RABGAP1: variants seen among roughly 807,000 people sequenced by gnomAD.
RABGAP1 encodes RAB GTPase activating protein 1, also known as rab GTPase-activating protein 1.
In RABGAP1, 23 loss-of-function variants were observed where a neutral mutation model predicts 137.6. That is an observed-to-expected ratio of 0.17 (90% CI 0.12 to 0.24). The LOEUF (loss-of-function observed/expected upper bound fraction) is 0.24, where lower values mean the gene tolerates loss of function less well. Among genes scored for constraint, RABGAP1 ranks in the 10% least tolerant of loss-of-function variants. The probability of loss-of-function intolerance (pLI) is 1.00; values close to 1 mark genes in which losing one functional copy is unlikely to be tolerated. For missense variants in RABGAP1, 906 were observed against 1,275.8 expected (o/e 0.71, Z 4.42); for synonymous variants, 451 against 450.7 (o/e 1.00, Z -0.01).
intron 2 of RABGAP1, among the ~76,000 whole-genome samples, chr9:122,966,917 G>A (rs1373324205): frequency 1.3e-5 from 2 of 152,170 alleles, no homozygotes; most frequent in East Asian, 1.9e-4. Flanking sequence ...AAAACCATCA[G>A]ATCTCGTGAG....
At chr9:122,973,010 T>C (rs528035284) in intron 2 of RABGAP1, among the ~76,000 whole-genome samples, 23 of 149,408 alleles carry the variant, frequency 1.5e-4, no homozygotes, top group African/African-American at 5.1e-4. Flanking sequence ...GTATATTTCT[T>C]TTTTTTTTAA....
intron 15 of RABGAP1, among the ~76,000 whole-genome samples, chr9:123,071,968 A>G (rs980310157): frequency 2.0e-5 from 3 of 152,130 alleles, no homozygotes; most frequent in African/African-American, 4.8e-5. Flanking sequence ...AAGCCCAGAT[A>G]AGGAGTCTGA....
chr9:123,035,843 A>G (rs546091095), intron 13 of RABGAP1: 106 of 471,628 alleles, frequency 2.2e-4, no homozygotes, highest in African/African-American at 2.0e-3. Context: ...CATGAAGACA[A>G]ATTGCTCTTG....
At chr9:123,011,792 T>C (rs1204758979) in intron 11 of RABGAP1, among the ~76,000 whole-genome samples, 1 of 6,818 alleles carries the variant, frequency 1.5e-4, no homozygotes, top group African/African-American at 1.6e-4. Context: ...CTGTCTCTAC[T>C]AAATACAAAA....
chr9:123,029,962 G>C (rs2032205645), intron 13 of RABGAP1, among the ~76,000 whole-genome samples: 1 of 152,098 alleles, frequency 6.6e-6, no homozygotes, highest in African/African-American at 2.4e-5. Context: ...ATTTGAACAG[G>C]TCTTTTCCTT....
chr9:122,955,052 G>C (rs1834437371), intron 1 of RABGAP1, among the ~76,000 whole-genome samples: 1 of 152,182 alleles, frequency 6.6e-6, no homozygotes, highest in Non-Finnish European at 1.5e-5. Context: ...CGGGCAAGTG[G>C]ACTGAGAAGA....
At chr9:122,970,276 G>A (rs745721106) in intron 2 of RABGAP1, among the ~76,000 whole-genome samples, 4 of 152,030 alleles carry the variant, frequency 2.6e-5, no homozygotes, top group Non-Finnish European at 4.4e-5. Context: ...AAACATAAAA[G>A]TGGAACCATG....
At chr9:123,022,951 A>G (rs1436000996) in intron 13 of RABGAP1, among the ~76,000 whole-genome samples, 3 of 151,832 alleles carry the variant, frequency 2.0e-5, no homozygotes, top group African/African-American at 4.8e-5. Context: ...TTTACAGTCT[A>G]CTCTACCAGC....
intron 10 of RABGAP1, among the ~76,000 whole-genome samples, chr9:123,003,256 A>AT: frequency 6.6e-6 from 1 of 152,316 alleles, no homozygotes; most frequent in Middle Eastern, 3.4e-3. Context: ...AATGAGGATA[A>AT]ATAGTATTTT....
intron 2 of RABGAP1, among the ~76,000 whole-genome samples, chr9:122,976,435 A>T (rs181540021): frequency 6.6e-6 from 1 of 152,290 alleles, no homozygotes; most frequent in Admixed American, 6.5e-5. Context: ...CAGTGTTCTT[A>T]TTGTAAATGT....
At chr9:123,051,228 T>G (rs1407386019) in intron 13 of RABGAP1, among the ~76,000 whole-genome samples, 9 of 40,150 alleles carry the variant, frequency 2.2e-4, no homozygotes, top group Admixed American at 9.3e-4. Flanking sequence ...TTTTTTTTTT[T>G]TTTTTTTTTT....
At chr9:123,045,691 T>C (rs1588327168) in intron 13 of RABGAP1, among the ~76,000 whole-genome samples, 1 of 152,266 alleles carries the variant, frequency 6.6e-6, no homozygotes, top group East Asian at 1.9e-4. Context: ...ATAGTAAGGC[T>C]TTTAAAGTTG....
chr9:123,063,457 T>C (rs2034055944), intron 13 of RABGAP1: 1 of 152,722 alleles, frequency 6.5e-6, no homozygotes, highest in South Asian at 2.1e-4. Flanking sequence ...ATGGTAATTA[T>C]GTGTTTACTA....
chr9:123,090,097 A>G lies in RABGAP1; in HGVS notation c.2518-178A>G, dbSNP rs559662050. ...TTGACAAAGTCACTTGAATCAGTTAAGTATTTCTTTATGGAGCTAGAAAAT... is the reference window on the plus strand; with the variant it reads ...TTGACAAAGTCACTTGAATCAGTTAGGTATTTCTTTATGGAGCTAGAAAAT... On this transcript the variant is annotated intron_variant, in intron 20 of 25. Transcript: ENST00000373647. Among the ~76,000 whole-genome samples, 62 of 152,362 alleles carry G rather than the reference A, an allele frequency of 4.1e-4. No homozygotes were observed. The highest frequency in any genetic ancestry group is 1.3e-3 in the African/African-American group (53 of 41,588).
At chr9:123,086,119 T>TA (rs900449424) in intron 19 of RABGAP1, among the ~76,000 whole-genome samples, 1 of 152,168 alleles carries the variant, frequency 6.6e-6, no homozygotes, top group Non-Finnish European at 1.5e-5. Context: ...TGAGAATAGT[T>TA]ACATAACTGA....
At chr9:123,083,528 G>A (rs1044815468) in intron 19 of RABGAP1, among the ~76,000 whole-genome samples, 9 of 152,156 alleles carry the variant, frequency 5.9e-5, no homozygotes, top group Non-Finnish European at 1.2e-4. Context: ...ATCTGTTTGG[G>A]TTCTCTGCTA....
intron 13 of RABGAP1, among the ~76,000 whole-genome samples, chr9:123,042,467 C>T (rs1588320346): frequency 6.6e-6 from 1 of 152,072 alleles, no homozygotes; most frequent in African/African-American, 2.4e-5. Context: ...CCAAAAAACC[C>T]AACTGTAACT....
intron 1 of RABGAP1, among the ~76,000 whole-genome samples, chr9:122,953,157 G>T (rs1215923955): frequency 6.6e-6 from 1 of 152,190 alleles, no homozygotes; most frequent in African/African-American, 2.4e-5. Flanking sequence ...AGTAGAGATA[G>T]TATAAGTATT....
chr9:122,960,944 G>A (rs1834818422), intron 2 of RABGAP1, among the ~76,000 whole-genome samples: 1 of 152,092 alleles, frequency 6.6e-6, no homozygotes, highest in African/African-American at 2.4e-5. Context: ...AAGAGTTAAT[G>A]AACTTGACGA....
Sources: gnomAD v4.1 joint callset for allele counts (sites outside exome capture counted in the v4.1 genomes callset) on GRCh38, gnomAD v4.1.1 for gene constraint, MANE v1.5 for transcripts, NCBI Gene and HGNC (gene_info 2026-07-23, HGNC 2026-07-21) for gene names.